MFGE8: variants seen among roughly 807,000 people sequenced by gnomAD.
MFGE8 encodes lactadherin.
Under a neutral mutation model 42.6 loss-of-function variants are expected in MFGE8, and 34 were observed. That is an observed-to-expected ratio of 0.80 (90% confidence interval 0.61 to 1.06). MFGE8 has a LOEUF of 1.06. Ranked by LOEUF, MFGE8 falls within the 50% of genes least tolerant of loss-of-function variation. The pLI, the probability that MFGE8 is intolerant of heterozygous loss-of-function variation, is 0.00. For missense variants in MFGE8, 510 were observed against 516.9 expected (o/e 0.99, Z 0.13); for synonymous variants, 230 against 214.8 (o/e 1.07, Z -0.62).
intron 6 of MFGE8, among the ~76,000 whole-genome samples, chr15:88,901,220 CACAT>C (rs1357565363): frequency 3.4e-5 from 4 of 117,380 alleles, no homozygotes; most frequent in South Asian, 2.9e-4. Flanking sequence ...CACACATTCA[CACAT>C]ACACATTCAC....
At chr15:88,901,511 C>CCCCCAAACCCCCCCCCAAA in intron 6 of MFGE8, 40 bp downstream of exon 6, 1 of 908,664 alleles carries the variant, frequency 1.1e-6, no homozygotes, top group Non-Finnish European at 1.8e-6. Flanking sequence ...CACCTCATCC[C>CCCCCAAACCCCCCCCCAAA]ACCCAACCCC....
Position 88,901,544 on chromosome 15 carries a change from G to T in MFGE8, c.870+7C>A, listed in dbSNP as rs1263569091. 3 of 1,482,326 alleles carry T rather than the reference G, an allele frequency of 2.0e-6. No homozygotes were observed. The highest frequency in any genetic ancestry group is 1.7e-5 in the Admixed American group (1 of 57,220). The allele number at this position is 1,482,326 out of a possible 1,614,324, so 91.8% of individuals were successfully genotyped here. A position where few individuals can be genotyped will look rare whatever the true frequency, so the allele number is the denominator to read the frequency against. On this transcript the variant is annotated splice_region_variant and intron_variant, in intron 6 of 7. Coordinates refer to ENST00000268150, the MANE Select transcript of MFGE8 (RefSeq NM_005928.4). The stretch of plus-strand genomic sequence containing the variant: ...CCCAGCCCCATATCCCAAGAAGGCT[G>T]ACCCACCTGCAGCCACTGATCGTTA...
At chr15:88,908,103 C>G (rs771337174) in intron 2 of MFGE8, among the ~76,000 whole-genome samples, 22 of 152,178 alleles carry the variant, frequency 1.4e-4, no homozygotes, top group Admixed American at 5.9e-4. Context: ...GCCCCACCCC[C>G]CTCACCATCA....
At chr15:88,909,980 G>C (rs961189991) in intron 1 of MFGE8, 57 bp from the exon 2 acceptor site, 28 of 1,608,716 alleles carry the variant, frequency 1.7e-5, no homozygotes, top group Non-Finnish European at 2.3e-5. Flanking sequence ...GGGGACACAG[G>C]TGAGAAGTAG....
chr15:88,901,195 TCACACATTCACA>T (rs1898386213), intron 6 of MFGE8, among the ~76,000 whole-genome samples: 1 of 61,678 alleles, frequency 1.6e-5, no homozygotes, highest in African/African-American at 7.1e-5. Flanking sequence ...ACACACACAT[TCACACATTCACA>T]CACACACATT....
At position 88,899,480 on chromosome 15, in the gene MFGE8, G is replaced by A. The variant is rs775984272; in HGVS notation, c.1079C>T (p.Thr360Met). Residue 360 changes from threonine to methionine, a missense_variant, in exon 8 of 8, where the codon ACG (threonine) becomes ATG (methionine). Thr to Met is a moderately conservative substitution (Grantham distance 81). Coordinates refer to ENST00000268150, the MANE Select transcript of MFGE8 (RefSeq NM_005928.4). The surrounding 1 kb of genome is among the most constrained non-coding windows in gnomAD (Gnocchi z 6.8). ...GCGCACATAGCGAGCCAGGATGGGC[G>A]TCTCAAACAAGTTCTTCTTGTGGGA... ...NHSHKKNLFE[T>M]PILARYVRIL... 59 of 1,614,080 alleles carry A rather than the reference G, an allele frequency of 3.7e-5. No individual in the cohort carries two copies. Among genetic ancestry groups the A allele is most frequent in the East Asian group, 1.8e-4 (8 of 44,900 alleles).
chr15:88,913,020 C>T (rs1396561406), intron 1 of MFGE8: 13 of 985,268 alleles, frequency 1.3e-5, no homozygotes, highest in African/African-American at 1.7e-5. Context: ...GCAGGGCTGT[C>T]ACCCGATGTC....
Position 88,906,641 on chromosome 15 carries a change from A to G in MFGE8, c.525T>C (p.Val175=). Residue 175 remains valine (V), a synonymous_variant, in exon 4 of 8, where the codon GTT becomes GTC. Transcript: ENST00000268150. This position sits in a 1 kb window ranked among gnomAD's most constrained non-coding sequence, Gnocchi z 4.2. The stretch of plus-strand genomic sequence containing the variant: ...CAAGACCTACCTTGTGTTTTTTATT[A>G]ACATCATGGATGAAATCGAATTCGT... The part of the protein sequence containing the change: ...NGHEFDFIHD[V]NKKHKEFVGN... 2 of 1,613,946 alleles carry G rather than the reference A, an allele frequency of 1.2e-6. No individual in the cohort carries two copies. The highest frequency in any genetic ancestry group is 1.7e-6 in the Non-Finnish European group (2 of 1,179,974).
chr15:88,901,318 T>C (rs1257160651), intron 6 of MFGE8, among the ~76,000 whole-genome samples: 2 of 143,200 alleles, frequency 1.4e-5, no homozygotes. Flanking sequence ...CACACACACA[T>C]TCACACACAC....
rs1191498345 is a variant in MFGE8 at position 88,905,984 on chromosome 15, AC to A, written c.541-84del. On this transcript the variant is annotated intron_variant, in intron 4 of 7. Coordinates refer to ENST00000268150, the MANE Select transcript of MFGE8 (RefSeq NM_005928.4). This position sits in a 1 kb window ranked among gnomAD's most constrained non-coding sequence, Gnocchi z 6.6. ...GGGGTTACCTCATCTTCCTCTTCAG[AC>A]CTGGGAGGCAGAGGTGGGGCTGGGA... 1 of 1,533,234 alleles carries A rather than the reference AC, an allele frequency of 6.5e-7. No individual in the cohort carries two copies. Among genetic ancestry groups the A allele is most frequent in the Non-Finnish European group, 9.0e-7 (1 of 1,108,666 alleles). 95.0% of individuals were successfully genotyped at this position (1,533,234 alleles called of 1,614,324 possible). A position where few individuals can be genotyped will look rare whatever the true frequency, so the allele number is the denominator to read the frequency against.
Position 88,912,474 on chromosome 15 carries a change from A to G in MFGE8, c.73+773T>C, listed in dbSNP as rs899765490. 3.0e-6 allele frequency: 3 copies of G among 985,204 alleles called. No homozygotes were observed. In the African/African-American group the frequency reaches 5.2e-5, roughly 17 times the overall value. 61.0% of individuals were successfully genotyped at this position (985,204 alleles called of 1,614,324 possible). A position where few individuals can be genotyped will look rare whatever the true frequency, so the allele number is the denominator to read the frequency against. ...TCTATGAGAAAATGATGGAGGGGCC[A>G]CCTAAAGAGTCCTGGCCCTGACTCC... is the stretch of plus-strand genomic sequence containing the variant. On this transcript the variant is annotated intron_variant, in intron 1 of 7. Coordinates refer to ENST00000268150, the MANE Select transcript of MFGE8 (RefSeq NM_005928.4).
intron 6 of MFGE8, among the ~76,000 whole-genome samples, chr15:88,900,399 A>T (rs910536176): frequency 2.0e-5 from 3 of 152,152 alleles, no homozygotes; most frequent in Non-Finnish European, 4.4e-5. Context: ...CTGCACTGTG[A>T]TGGGAAGAAG....
At chr15:88,907,126 C>T in intron 3 of MFGE8, 69 bp downstream of exon 3, 1 of 1,548,098 alleles carries the variant, frequency 6.5e-7, no homozygotes, top group South Asian at 1.2e-5. Flanking sequence ...CTGGGGTAAC[C>T]CCCAAATGCA....
chr15:88,906,818 G>T lies in MFGE8; in HGVS notation c.388-40C>A, dbSNP rs1240486689. ...GGGGAGATGGCACCCTTATCTCCTG[G>T]GTTCTTTCCACTCAAGATCCAAGCA... On this transcript the variant is annotated intron_variant, in intron 3 of 7. Coordinates refer to ENST00000268150, the MANE Select transcript of MFGE8 (RefSeq NM_005928.4). The surrounding 1 kb of genome is among the most constrained non-coding windows in gnomAD (Gnocchi z 4.2). 6.2e-7 allele frequency: 1 copy of T among 1,610,692 alleles called. No homozygotes were observed. The highest frequency in any genetic ancestry group is 1.3e-5 in the African/African-American group (1 of 74,760).
At position 88,899,874 on chromosome 15, in the gene MFGE8, A is replaced by G; in HGVS notation, c.871-63T>C. The G allele has an allele frequency of 1.3e-6, 2 of 1,587,244 alleles. No individual in the cohort carries two copies. The highest frequency in any genetic ancestry group is 2.2e-5 in the East Asian group (1 of 44,606). On this transcript the variant is annotated intron_variant, in intron 6 of 7. Coordinates refer to ENST00000268150, the MANE Select transcript of MFGE8 (RefSeq NM_005928.4). The surrounding 1 kb of genome is among the most constrained non-coding windows in gnomAD (Gnocchi z 6.8). ...CATCTCCAGTAAGGTGAAAAGAGGC[A>G]GACACACTGAGGCATGAATTCTAGT...
Position 88,905,423 on chromosome 15 carries a change from C to G in MFGE8, c.685+334G>C. On this transcript the variant is annotated intron_variant, in intron 5 of 7. Transcript: ENST00000268150. The surrounding 1 kb of genome is among the most constrained non-coding windows in gnomAD (Gnocchi z 6.6). Reference sequence around the variant, plus strand: ...ACAAAACAGACAGATTCTCTGCCCTCGTAAAGCTGACATCTGCCAAACACA... The same window carrying G: ...ACAAAACAGACAGATTCTCTGCCCTGGTAAAGCTGACATCTGCCAAACACA... 1 of 516,306 alleles carries G rather than the reference C, an allele frequency of 1.9e-6. No individual in the cohort carries two copies. Among genetic ancestry groups the G allele is most frequent in the Non-Finnish European group, 3.7e-6 (1 of 267,442 alleles). 32.0% of individuals were successfully genotyped at this position (516,306 alleles called of 1,614,324 possible).
At chr15:88,901,315 A>G (rs947488777) in intron 6 of MFGE8, among the ~76,000 whole-genome samples, 1 of 151,876 alleles carries the variant, frequency 6.6e-6, no homozygotes, top group African/African-American at 2.4e-5. Flanking sequence ...TCACACACAC[A>G]CATTCACACA....
rs553872983 is a variant in MFGE8, at chr15:88,907,293, C to G, written c.289G>C (p.Gly97Arg). 1 of 1,614,204 alleles carries G rather than the reference C, an allele frequency of 6.2e-7. No individual in the cohort carries two copies. The highest frequency in any genetic ancestry group is 1.1e-5 in the South Asian group (1 of 91,088). Residue 97 changes from glycine (G) to arginine (R), a missense_variant, in exon 3 of 8, where the codon GGT (glycine) becomes CGT (arginine). Physicochemically the swap from Gly to Arg is moderately radical, Grantham distance 125. Transcript: ENST00000268150. ...AGCTCCGGGACCCAATGCTGCAAAC[C>G]CAAGAAGGTCACACGCACAGACGAG... Reference protein sequence around the residue: ...AASSVRVTFLGLQHWVPELAR... With the variant: ...AASSVRVTFLRLQHWVPELAR...
In MFGE8 at chr15:88,899,508, G is replaced by T. The variant is rs767528883; in HGVS notation, c.1051C>A (p.His351Asn). Reference sequence around the variant, plus strand: ...TCAAACAAGTTCTTCTTGTGGGAGTGGTTGTCCCAGTTGCCAGGGAAGATC... The same window carrying T: ...TCAAACAAGTTCTTCTTGTGGGAGTTGTTGTCCCAGTTGCCAGGGAAGATC... ...SKIFPGNWDNHSHKKNLFETP... is the reference protein window; with the variant it reads ...SKIFPGNWDNNSHKKNLFETP... The change falls in exon 8 of 8, where the codon CAC becomes AAC. Residue 351 changes from histidine (H) to asparagine (N), a missense_variant. Coordinates refer to ENST00000268150, the MANE Select transcript of MFGE8 (RefSeq NM_005928.4). This position sits in a 1 kb window ranked among gnomAD's most constrained non-coding sequence, Gnocchi z 6.8. 2.5e-6 allele frequency: 4 copies of T among 1,614,100 alleles called. No individual in the cohort carries two copies. In the East Asian group the frequency reaches 6.7e-5, roughly 27 times the overall value.
Sources: allele counts gnomAD v4.1 joint callset (sites outside exome capture counted in the v4.1 genomes callset), GRCh38; gene constraint gnomAD v4.1.1; non-coding constraint Gnocchi (gnomAD v3.1); transcripts MANE v1.5; gene names NCBI Gene and HGNC (gene_info 2026-07-23, HGNC 2026-07-21).